Variants in UBR2 observed in about 807,000 individuals in gnomAD.
UBR2 encodes E3 ubiquitin-protein ligase UBR2.
A neutral mutation model predicts 247.9 loss-of-function variants in UBR2; 92 were observed. The observed-to-expected ratio is 0.37, with a 90% CI of 0.31 to 0.44. UBR2 has a LOEUF of 0.44. UBR2 is among the 20% of genes least tolerant of loss of function. The pLI, the probability that UBR2 is intolerant of heterozygous loss-of-function variation, is 1.00. For missense variants in UBR2, 1,613 were observed against 2,112.6 expected (o/e 0.76, Z 4.64); for synonymous variants, 672 against 693.5 (o/e 0.97, Z 0.49).
At chr6:42,642,601 C>T in intron 18 of UBR2, 120 bp downstream of exon 18, 1 of 752,824 alleles carries the variant, frequency 1.3e-6, no homozygotes, top group Non-Finnish European at 2.2e-6. Flanking sequence ...AGCCCTGTCT[C>T]CTCAGCTCCA....
At chr6:42,584,572 T>A (rs2151911788) in intron 2 of UBR2, among the ~76,000 whole-genome samples, 1 of 152,302 alleles carries the variant, frequency 6.6e-6, no homozygotes, top group East Asian at 1.9e-4. Flanking sequence ...AAGATTAAGA[T>A]TAGGATTGCA....
chr6:42,567,379 C>T (rs1442962893), intron 1 of UBR2, among the ~76,000 whole-genome samples: 1 of 152,176 alleles, frequency 6.6e-6, no homozygotes, highest in East Asian at 1.9e-4. Flanking sequence ...CTTCTTGGCT[C>T]TGTTTACTTT....
chr6:42,690,765 C>G (rs1317357139), intron 46 of UBR2, among the ~76,000 whole-genome samples: 1 of 152,146 alleles, frequency 6.6e-6, no homozygotes, highest in African/African-American at 2.4e-5. Context: ...CCTTATCCCC[C>G]GCAACCTCTA....
Position 42,631,860 on chromosome 6 carries a change from TTA to T in UBR2, c.1282-663_1282-662del, listed in dbSNP as rs59218885. Among the ~76,000 whole-genome samples, 443 of 61,480 alleles carry T rather than the reference TTA, an allele frequency of 7.2e-3. 6 individuals carry two copies. The highest frequency in any genetic ancestry group is 0.04 in the Middle Eastern group (5 of 124). 40.3% of individuals were successfully genotyped at this position (61,480 alleles called of 152,430 possible). On this transcript the variant is annotated intron_variant, in intron 11 of 46. Coordinates refer to ENST00000372901, the MANE Select transcript of UBR2 (RefSeq NM_001363705.2). Reference sequence around the variant, plus strand: ...GTATTATGTAGTATATACTCTGATTTTATATATATATATATATATATATATAT... The same window carrying T: ...GTATTATGTAGTATATACTCTGATTTTATATATATATATATATATATATAT...
chr6:42,672,793 C>G (rs904588094), intron 36 of UBR2, among the ~76,000 whole-genome samples: 1 of 152,124 alleles, frequency 6.6e-6, no homozygotes, highest in South Asian at 2.1e-4. Context: ...TGCCTGCCTC[C>G]TTCCCCACTT....
chr6:42,635,293 G>C (rs1054781685), intron 13 of UBR2, 125 bp from the exon 14 acceptor site: 2 of 956,576 alleles, frequency 2.1e-6, no homozygotes, highest in Non-Finnish European at 3.0e-6. Context: ...GAAGTTTCCT[G>C]TTAAAACTTA....
At chr6:42,647,845 T>C (rs1796868313) in intron 21 of UBR2, among the ~76,000 whole-genome samples, 1 of 152,332 alleles carries the variant, frequency 6.6e-6, no homozygotes, top group Middle Eastern at 3.4e-3. Context: ...CTTACCTTGA[T>C]TCTATATGGC....
chr6:42,614,439 C>CGTACATACGTATATATGTATGTAT (rs1562312402), intron 8 of UBR2, among the ~76,000 whole-genome samples: 2 of 92,060 alleles, frequency 2.2e-5, no homozygotes, highest in African/African-American at 8.5e-5. Flanking sequence ...TATGTATGTA[C>CGTACATACGTATATATGTATGTAT]GTACATATAT....
chr6:42,652,371 A>T (rs972587521), intron 24 of UBR2, 120 bp from the exon 25 acceptor site: 17 of 1,199,586 alleles, frequency 1.4e-5, no homozygotes, highest in Non-Finnish European at 2.0e-5. Flanking sequence ...AATGTAAAAT[A>T]ATAGCTTTAA....
chr6:42,624,204 G>A (rs1034967153), intron 11 of UBR2, among the ~76,000 whole-genome samples: 4 of 151,776 alleles, frequency 2.6e-5, no homozygotes, highest in Non-Finnish European at 4.4e-5. Flanking sequence ...GCAGTGGTGC[G>A]ATCTCAGCTC....
At chr6:42,640,125 T>C (rs374466807) in intron 15 of UBR2, 84 bp from the exon 16 acceptor site, 11 of 1,088,192 alleles carry the variant, frequency 1.0e-5, no homozygotes, top group African/African-American at 1.6e-5. Context: ...AAGTTAGATA[T>C]AAAGTTGAGT....
At chr6:42,588,350 A>G (rs1476531362) in intron 2 of UBR2, among the ~76,000 whole-genome samples, 1 of 152,214 alleles carries the variant, frequency 6.6e-6, no homozygotes, top group African/African-American at 2.4e-5. Flanking sequence ...AGTTCCAGCA[A>G]CTTGGAAGTT....
Position 42,645,519 on chromosome 6 carries a change from C to T in UBR2, c.2338C>T (p.Arg780Ter). 1 of 1,613,706 alleles carries T rather than the reference C, an allele frequency of 6.2e-7. No individual in the cohort carries two copies. Among genetic ancestry groups the T allele is most frequent in the Non-Finnish European group, 8.5e-7 (1 of 1,179,728 alleles). The change falls in exon 21 of 47, where the codon CGA becomes TGA. Residue 780 changes from arginine to a stop codon, truncating the protein, a stop_gained. Transcript: ENST00000372901. LOFTEE classifies it high-confidence loss of function. The part of the protein sequence containing the change: ...GQVNATDEIK[R>*]EIIHQLSIKP... The stretch of plus-strand genomic sequence containing the variant: ...GGTAAATGCTACAGATGAAATCAAG[C>T]GAGAGATTATCCATCAGTTGAGTAT...
intron 11 of UBR2, among the ~76,000 whole-genome samples, chr6:42,630,830 A>G (rs1419131164): frequency 3.3e-5 from 5 of 151,398 alleles, no homozygotes; most frequent in Non-Finnish European, 4.4e-5. Flanking sequence ...TTTTGTTTTT[A>G]AGACAGGGTC....
intron 4 of UBR2, among the ~76,000 whole-genome samples, chr6:42,595,663 C>T (rs756016733): frequency 7.3e-5 from 11 of 150,994 alleles, no homozygotes; most frequent in Admixed American, 2.6e-4. Flanking sequence ...AAGTGGGATC[C>T]GCTTGAGCCA....
chr6:42,635,377 T>A, intron 13 of UBR2, 41 bp from the exon 14 acceptor site: 1 of 1,585,322 alleles, frequency 6.3e-7, no homozygotes, highest in Non-Finnish European at 8.6e-7. Flanking sequence ...AAAGAACAAC[T>A]ATTATTTTCA....
chr6:42,640,472 GT>G (rs1796377336), intron 16 of UBR2, among the ~76,000 whole-genome samples: 2 of 149,812 alleles, frequency 1.3e-5, no homozygotes, highest in African/African-American at 4.9e-5. Flanking sequence ...ACAGAGATTT[GT>G]TGTAAGGAAC....
intron 11 of UBR2, among the ~76,000 whole-genome samples, chr6:42,624,250 C>A (rs990891085): frequency 5.3e-5 from 8 of 152,006 alleles, no homozygotes; most frequent in Admixed American, 1.3e-4. Flanking sequence ...AAGTGATCCA[C>A]CTCAGCCTCC....
In UBR2 at chr6:42,652,037, A is replaced by G. The variant is rs1169901550; in HGVS notation, c.2580A>G (p.Gln860=). The part of the protein sequence containing the change: ...RAEQSKAEEA[Q]RKLKRQNRED... ...TTTTTTATTAGGCAGAAGAAGCGCA[A>G]CGGAAATTGAAAAGACAAAATAGAG... is the stretch of plus-strand genomic sequence containing the variant. The change falls in exon 24 of 47, where the codon CAA becomes CAG. Residue 860 remains glutamine (Q), a synonymous_variant. Transcript: ENST00000372901. 1 of 1,594,450 alleles carries G rather than the reference A, an allele frequency of 6.3e-7. No homozygotes were observed. Among genetic ancestry groups the G allele is most frequent in the East Asian group, 2.3e-5 (1 of 43,406 alleles).
Sources: gnomAD v4.1 joint callset for allele counts (sites outside exome capture counted in the v4.1 genomes callset) on GRCh38, gnomAD v4.1.1 for gene constraint, MANE v1.5 for transcripts, NCBI Gene and HGNC (gene_info 2026-07-23, HGNC 2026-07-21) for gene names.